Variants in ERG observed in about 807,000 individuals in gnomAD.
The protein encoded by ERG is transcriptional regulator ERG.
Under a neutral mutation model 55.3 loss-of-function variants are expected in ERG, and 9 were observed. That is an observed-to-expected ratio of 0.16 (90% CI 0.10 to 0.28). ERG has a LOEUF of 0.28. Among genes scored for constraint, ERG ranks in the 10% least tolerant of loss-of-function variants. The pLI is 1.00. For missense variants in ERG, 434 were observed against 631.6 expected, an observed-to-expected ratio of 0.69 and a Z score of 3.35; for synonymous variants, 223 against 237.3, an observed-to-expected ratio of 0.94 and a Z score of 0.55.
At chr21:38,633,241 G>A (rs1203263442) in intron 1 of ERG, among the ~76,000 whole-genome samples, 1 of 152,158 alleles carries the variant, frequency 6.6e-6, no homozygotes, top group Non-Finnish European at 1.5e-5. Context: ...GGAGAGGGGA[G>A]TTATTGTTTG....
intron 9 of ERG, among the ~76,000 whole-genome samples, chr21:38,387,953 T>C (rs569331436): frequency 6.6e-6 from 1 of 152,328 alleles, no homozygotes; most frequent in Admixed American, 6.5e-5. Flanking sequence ...CTGCCATGCT[T>C]AATCACTGCG....
At chr21:38,523,111 A>G (rs2059606426) in intron 2 of ERG, among the ~76,000 whole-genome samples, 1 of 152,174 alleles carries the variant, frequency 6.6e-6, no homozygotes, top group Non-Finnish European at 1.5e-5. Flanking sequence ...ATTTTATTAA[A>G]TGCCATTGGA....
intron 1 of ERG, among the ~76,000 whole-genome samples, chr21:38,647,951 A>T (rs1212460284): frequency 1.3e-5 from 2 of 152,228 alleles, no homozygotes; most frequent in Non-Finnish European, 2.9e-5. Flanking sequence ...GTTTATTTAA[A>T]ACAGCAACTT....
In ERG at chr21:38,403,608, C is replaced by T. The variant is rs769340813; in HGVS notation, c.490G>A (p.Asp164Asn). The change falls in exon 4 of 10, where the codon GAT becomes AAT. Residue 164 changes from aspartate (D) to asparagine (N), a missense_variant. Transcript: ENST00000288319. ...DVNILLFQNI[D>N]GKELCKMTKD... ...GTCATCTTGCACAGTTCCTTCCCAT[C>T]GATGTTCTGGAATAACAAGATGTTG... 16 of 1,613,996 alleles carry T rather than the reference C, an allele frequency of 9.9e-6. No individual in the cohort carries two copies. Among genetic ancestry groups the T allele is most frequent in the South Asian group, 9.9e-5 (9 of 91,084 alleles).
chr21:38,372,407 C>T, the ERG span, among the ~76,000 whole-genome samples: 3 of 151,402 alleles, frequency 2.0e-5, no homozygotes, highest in Admixed American at 1.3e-4. Context: ...GCCTTTTTGC[C>T]AACTTTTTAA....
At chr21:38,627,398 G>A (rs916978034) in intron 1 of ERG, among the ~76,000 whole-genome samples, 1 of 152,100 alleles carries the variant, frequency 6.6e-6, no homozygotes, top group Non-Finnish European at 1.5e-5. Flanking sequence ...AGAATGGGCT[G>A]ATAGCATAGC....
chr21:38,368,074 G>A, the ERG span, among the ~76,000 whole-genome samples: 1 of 152,114 alleles, frequency 6.6e-6, no homozygotes, highest in Non-Finnish European at 1.5e-5. Flanking sequence ...TGTTTGAAAT[G>A]AACATGTATA....
At chr21:38,367,843 C>T in the ERG span, among the ~76,000 whole-genome samples, 1 of 152,228 alleles carries the variant, frequency 6.6e-6, no homozygotes, top group African/African-American at 2.4e-5. Flanking sequence ...CTCTCAGCCA[C>T]CTCCCAGGAG....
chr21:38,622,498 TACCACACAC>T (rs2060297237), intron 1 of ERG, among the ~76,000 whole-genome samples: 1 of 144,700 alleles, frequency 6.9e-6, no homozygotes, highest in Admixed American at 6.9e-5. Flanking sequence ...TGCTCATACA[TACCACACAC>T]ACCACACACA....
chr21:38,410,240 T>C (rs1174873493), intron 3 of ERG, among the ~76,000 whole-genome samples: 1 of 152,234 alleles, frequency 6.6e-6, no homozygotes, highest in Admixed American at 6.5e-5. Flanking sequence ...ATTTATAATT[T>C]TATTTTAAGA....
In ERG at chr21:38,390,855, A is replaced by G. The variant is rs567902342; in HGVS notation, c.919+140T>C. ...AATTTATAACCCAACCCATCTTTCC[A>G]TTAAGGCAAATAATTCAGTGAGACC... On this transcript the variant is annotated intron_variant, in intron 9 of 9. Coordinates refer to ENST00000288319, the MANE Select transcript of ERG (RefSeq NM_182918.4). 30 of 689,756 alleles carry G rather than the reference A, an allele frequency of 4.3e-5. No homozygotes were observed. The South Asian group carries it at 5.1e-4, about 12-fold the overall frequency. The allele number at this position is 689,756 out of a possible 1,614,324, so 42.7% of individuals were successfully genotyped here. A position where few individuals can be genotyped will look rare whatever the true frequency, so the allele number is the denominator to read the frequency against.
the ERG span, among the ~76,000 whole-genome samples, chr21:38,375,023 C>T: frequency 6.6e-6 from 1 of 152,180 alleles, no homozygotes; most frequent in Admixed American, 6.5e-5. Context: ...TCCTGCTCAG[C>T]CCACTATATG....
At chr21:38,467,580 C>A (rs752634468) in intron 1 of ERG, among the ~76,000 whole-genome samples, 1 of 152,106 alleles carries the variant, frequency 6.6e-6, no homozygotes, top group African/African-American at 2.4e-5. Flanking sequence ...AAGACACACC[C>A]GCGGAGGTTC....
At chr21:38,408,193 G>A (rs1211444778) in intron 3 of ERG, among the ~76,000 whole-genome samples, 1 of 152,086 alleles carries the variant, frequency 6.6e-6, no homozygotes, top group Non-Finnish European at 1.5e-5. Context: ...CTGAGCACTC[G>A]CACCACTCTC....
At chr21:38,389,262 A>T (rs935528666) in intron 9 of ERG, among the ~76,000 whole-genome samples, 1 of 152,170 alleles carries the variant, frequency 6.6e-6, no homozygotes, top group African/African-American at 2.4e-5. Flanking sequence ...GCTGTGTGAC[A>T]CAGGAAAAGT....
At chr21:38,478,674 C>G (rs2059210853) in intron 1 of ERG, among the ~76,000 whole-genome samples, 1 of 152,008 alleles carries the variant, frequency 6.6e-6, no homozygotes, top group Non-Finnish European at 1.5e-5. Flanking sequence ...GGAATCTGAC[C>G]CATTTCATAA....
At chr21:38,436,772 C>G (rs2058793986) in intron 2 of ERG, among the ~76,000 whole-genome samples, 1 of 152,162 alleles carries the variant, frequency 6.6e-6, no homozygotes, top group South Asian at 2.1e-4. Context: ...TTGATGGTAC[C>G]CTCATATCTG....
rs1209375421 is a variant in ERG at position 38,460,309 on chromosome 21, T to C, written c.19-14688A>G. ...CCATGGCAGGAACCTGGGTGTTGAC[T>C]CAGAGAGAAGTGGAGTCTCTCTAGC... is the stretch of plus-strand genomic sequence containing the variant. On this transcript the variant is annotated intron_variant, in intron 1 of 9. Coordinates refer to ENST00000288319, the MANE Select transcript of ERG (RefSeq NM_182918.4). The surrounding 1 kb of genome is among the most constrained non-coding windows in gnomAD (Gnocchi z 5.0). Among the ~76,000 whole-genome samples, 1 of 152,220 alleles carries C rather than the reference T, an allele frequency of 6.6e-6. No homozygotes were observed. The highest frequency in any genetic ancestry group is 2.4e-5 in the African/African-American group (1 of 41,448).
At chr21:38,475,962 T>G (rs1174530605) in intron 1 of ERG, among the ~76,000 whole-genome samples, 1 of 152,200 alleles carries the variant, frequency 6.6e-6, no homozygotes, top group Admixed American at 6.5e-5. Context: ...TTGGAAGAAT[T>G]TTTTGAGACA....
Sources: gnomAD v4.1 joint callset for allele counts (sites outside exome capture counted in the v4.1 genomes callset) on GRCh38, gnomAD v4.1.1 for gene constraint, Gnocchi (gnomAD v3.1) non-coding constraint, MANE v1.5 for transcripts, NCBI Gene and HGNC (gene_info 2026-07-23, HGNC 2026-07-21) for gene names.